The following PLCXD1 variants were observed in gnomAD, a reference collection of about 807,000 sequenced individuals.
The protein encoded by PLCXD1 is PI-PLC X domain-containing protein 1.
In PLCXD1, 45 loss-of-function variants were observed where a neutral mutation model predicts 37.8. The ratio of observed to expected loss-of-function variants is 1.19; its 90% CI spans 0.94 to 1.53. The LOEUF is 1.53. Among genes scored for constraint, PLCXD1 ranks in the 40% most tolerant of loss-of-function variants. The pLI, the probability that PLCXD1 is intolerant of heterozygous loss-of-function variation, is 0.00. For synonymous variants in PLCXD1, 246 were observed against 206.9 expected, an observed-to-expected ratio of 1.19 and a Z score of -1.62; for missense variants, 539 against 454.7, an observed-to-expected ratio of 1.19 and a Z score of -1.69.
chrX:282,739 A>G (rs1204169628), intron 1 of PLCXD1, among the ~76,000 whole-genome samples: 2 of 149,852 alleles, frequency 1.3e-5, no homozygotes, highest in Non-Finnish European at 3.0e-5. Context: ...AAAAAGTTAT[A>G]TACACTTCAG....
intron 2 of PLCXD1, among the ~76,000 whole-genome samples, chrX:288,273 C>G (rs982469122): frequency 1.3e-5 from 2 of 151,676 alleles, no homozygotes; most frequent in Admixed American, 1.3e-4. Flanking sequence ...TGGGGATCAC[C>G]ACTCAAGTCA....
chrX:294,941 C>T (rs750381295), intron 6 of PLCXD1, among the ~76,000 whole-genome samples: 11 of 151,924 alleles, frequency 7.2e-5, no homozygotes, highest in South Asian at 2.1e-4. Flanking sequence ...TTTGGGAGGC[C>T]GAGGCAGGTG....
Position 302,617 on chromosome X carries a change from G to A in PLCXD1, c.*3282G>A, listed in dbSNP as rs2070052833. 6.6e-6 allele frequency: 1 copy of A among 152,202 alleles called. No homozygotes were observed. The highest frequency in any genetic ancestry group is 2.4e-5 in the African/African-American group (1 of 41,532). 9.4% of individuals were successfully genotyped at this position (152,202 alleles called of 1,614,324 possible). A position where few individuals can be genotyped will look rare whatever the true frequency, so the allele number is the denominator to read the frequency against. On this transcript the variant is annotated 3_prime_UTR_variant, in exon 7 of 7. Transcript: ENST00000381657. ...GACGGAGTTTCGCTCTCGTTGCCGA[G>A]GCTGGAGTGTAGTAGTGTGATCCTG... is the stretch of plus-strand genomic sequence containing the variant.
At chrX:279,775 G>GA (rs1557374205), upstream of PLCXD1, among the ~76,000 whole-genome samples, 4,185 of 140,208 alleles carry the variant, frequency 0.03, 215 homozygotes, top group African/African-American at 0.1. Flanking sequence ...CCCTGTCTCT[G>GA]AAAAAAAAAA....
At chrX:285,075 G>A (rs1328607798) in intron 2 of PLCXD1, among the ~76,000 whole-genome samples, 1 of 151,522 alleles carries the variant, frequency 6.6e-6, no homozygotes, top group South Asian at 2.1e-4. Context: ...GGTGCACATA[G>A]GCACACATGC....
intron 4 of PLCXD1, 143 bp from the exon 5 acceptor site, chrX:291,356 G>A (rs372104580): frequency 2.5e-5 from 20 of 815,190 alleles, no homozygotes; most frequent in South Asian, 2.0e-4. Flanking sequence ...ATGTTGGCTA[G>A]GCTGGTCTCA....
chrX:297,359 ATTATTC>A (rs2069850771), intron 6 of PLCXD1, among the ~76,000 whole-genome samples: 1 of 55,832 alleles, frequency 1.8e-5, no homozygotes, highest in Non-Finnish European at 3.1e-5. Flanking sequence ...CTTTGGGGCC[ATTATTC>A]TGTCTCCCAC....
chrX:291,397 C>G, intron 4 of PLCXD1, 102 bp from the exon 5 acceptor site: 1 of 1,325,610 alleles, frequency 7.5e-7, no homozygotes, highest in Non-Finnish European at 1.1e-6. Context: ...CCACCCGCCT[C>G]GGCCTCCCAA....
chrX:299,083 C>G lies in PLCXD1; in HGVS notation c.734-14C>G, dbSNP rs754766839. The G allele has an allele frequency of 1.9e-6, 3 of 1,600,088 alleles. No homozygotes were observed. The highest frequency in any genetic ancestry group is 2.6e-6 in the Non-Finnish European group (3 of 1,167,290). ...CCGTGACCGTGTAACCTCTCCCCAC[C>G]CTCACCGTTGCAGGAGGGTTGTTCG... On this transcript the variant is annotated splice_polypyrimidine_tract_variant and intron_variant, in intron 6 of 6. Transcript: ENST00000381657.
upstream of PLCXD1, among the ~76,000 whole-genome samples, chrX:276,715 T>C (rs2069164022): frequency 6.6e-6 from 1 of 152,124 alleles, no homozygotes; most frequent in Non-Finnish European, 1.5e-5. Flanking sequence ...GGCCACGACT[T>C]GCTTGGCCGG....
In PLCXD1 at chrX:299,211, G is replaced by A. The variant is rs775276315; in HGVS notation, c.848G>A (p.Trp283Ter). ...CCCAACCTTCCGCGGCTGAGCGCGT[G>A]GGTCCGAGAGCAGTGCCCGGGGCCG... Reference protein sequence around the residue: ...TLPNLPRLSAWVREQCPGPGS... With the variant: ...TLPNLPRLSA The change falls in exon 7 of 7, where the codon TGG (tryptophan) becomes TAG (stop). Residue 283 changes from tryptophan (W) to a stop codon, truncating the protein, a stop_gained. Coordinates refer to ENST00000381657, the MANE Select transcript of PLCXD1 (RefSeq NM_018390.4). LOFTEE classifies it high-confidence loss of function. The A allele has an allele frequency of 3.1e-6, 5 of 1,613,770 alleles. No individual in the cohort carries two copies. In the Admixed American group the frequency reaches 8.3e-5, roughly 27 times the overall value.
At chrX:276,645 G>A (rs1394412255), upstream of PLCXD1, among the ~76,000 whole-genome samples, 4 of 152,250 alleles carry the variant, frequency 2.6e-5, no homozygotes, top group East Asian at 3.9e-4. Context: ...ATTCTCTGCC[G>A]GGTCAGAGCC....
rs746950471 is a variant in PLCXD1 at position 299,248 on chromosome X, C to T, written c.885C>T (p.Cys295=). ...REQCPGPGSR[C]TNIIAGDFIG... The stretch of plus-strand genomic sequence containing the variant: ...AGTGCCCGGGGCCGGGTTCACGGTG[C>T]ACCAACATCATCGCGGGGGACTTCA... The change falls in exon 7 of 7, where the codon TGC becomes TGT. Residue 295 remains cysteine (C), a synonymous_variant. Coordinates refer to ENST00000381657, the MANE Select transcript of PLCXD1 (RefSeq NM_018390.4). 3 of 1,613,910 alleles carry T rather than the reference C, an allele frequency of 1.9e-6. No individual in the cohort carries two copies. Among genetic ancestry groups the T allele is most frequent in the East Asian group, 2.2e-5 (1 of 44,868 alleles).
Position 288,614 on chromosome X carries a change from C to T in PLCXD1, c.128-119C>T, listed in dbSNP as rs2069529317. 2.8e-6 allele frequency: 3 copies of T among 1,088,576 alleles called. 1 individual carries two copies. Among genetic ancestry groups the T allele is most frequent in the Non-Finnish European group, 2.8e-6 (2 of 710,290 alleles). The allele number at this position is 1,088,576 out of a possible 1,614,324, so 67.4% of individuals were successfully genotyped here. ...GTCAGCGTGCACCCCTCCCGCCATA[C>T]CTGTGCCTGTGCTGTGGGCGGGCAG... is the stretch of plus-strand genomic sequence containing the variant. On this transcript the variant is annotated intron_variant, in intron 2 of 6. Transcript: ENST00000381657.
chrX:299,690 G>A lies in PLCXD1; in HGVS notation c.*355G>A. The A allele has an allele frequency of 2.6e-6, 1 of 384,978 alleles. No homozygotes were observed. The highest frequency in any genetic ancestry group is 5.3e-5 in the East Asian group (1 of 18,936). 23.8% of individuals were successfully genotyped at this position (384,978 alleles called of 1,614,324 possible). A position where few individuals can be genotyped will look rare whatever the true frequency, so the allele number is the denominator to read the frequency against. ...GAGAACTGCTTGAAGCCGGGAGATG[G>A]AGGTTGCATTGAGCTGACATCGTGC... On this transcript the variant is annotated 3_prime_UTR_variant, in exon 7 of 7. Transcript: ENST00000381657.
At chrX:292,981 G>C (rs2069683412) in intron 5 of PLCXD1, 54 bp from the exon 6 acceptor site, 1 of 1,278,520 alleles carries the variant, frequency 7.8e-7, no homozygotes, top group Admixed American at 2.2e-5. Context: ...CGCTCTCCCA[G>C]GTGCCCCCGG....
chrX:281,920 G>A (rs145354339), intron 1 of PLCXD1, among the ~76,000 whole-genome samples: 2,798 of 152,082 alleles, frequency 0.018, 49 homozygotes, highest in Non-Finnish European at 0.027. Context: ...GCTACTTTTT[G>A]TACTTTTAGT....
chrX:295,902 G>T (rs976837269), intron 6 of PLCXD1, among the ~76,000 whole-genome samples: 5 of 151,868 alleles, frequency 3.3e-5, no homozygotes, highest in South Asian at 2.1e-4. Flanking sequence ...GTGCAATGGC[G>T]CAATCTTGGC....
intron 2 of PLCXD1, among the ~76,000 whole-genome samples, chrX:286,284 C>T (rs1468419029): frequency 2.6e-5 from 4 of 152,140 alleles, no homozygotes; most frequent in Middle Eastern, 3.4e-3. Flanking sequence ...AAGCTGGTCT[C>T]GAACTCCCGA....
Sources: allele counts gnomAD v4.1 joint callset (sites outside exome capture counted in the v4.1 genomes callset), GRCh38; gene constraint gnomAD v4.1.1; transcripts MANE v1.5; gene names NCBI Gene and HGNC (gene_info 2026-07-23, HGNC 2026-07-21).